The following IMMP2L variants were observed in gnomAD, a reference collection of about 807,000 sequenced individuals.
IMMP2L encodes mitochondrial inner membrane protease subunit 2.
In IMMP2L, 18 loss-of-function variants were observed where a neutral mutation model predicts 19.3. That is an observed-to-expected ratio of 0.93 (90% CI 0.64 to 1.38). IMMP2L has a LOEUF of 1.38. Ranked by LOEUF, IMMP2L falls within the 40% of genes most tolerant of loss-of-function variation. IMMP2L has a pLI of 0.00. For missense variants in IMMP2L, 233 were observed against 218.2 expected (o/e 1.07, Z -0.43); for synonymous variants, 76 against 73.0 (o/e 1.04, Z -0.21).
intron 3 of IMMP2L, among the ~76,000 whole-genome samples, chr7:110,996,917 T>C (rs1823100097): frequency 6.6e-6 from 1 of 152,088 alleles, no homozygotes; most frequent in Non-Finnish European, 1.5e-5. Context: ...TGCGTTGGTG[T>C]GCATGCTGAG....
At chr7:111,505,633 T>G (rs541128595) in intron 2 of IMMP2L, among the ~76,000 whole-genome samples, 1 of 152,142 alleles carries the variant, frequency 6.6e-6, no homozygotes, top group African/African-American at 2.4e-5. Flanking sequence ...TGGAATACTA[T>G]GCAGCCATAA....
intron 3 of IMMP2L, among the ~76,000 whole-genome samples, chr7:111,473,319 C>T (rs1841434394): frequency 6.6e-6 from 1 of 152,082 alleles, no homozygotes; most frequent in Admixed American, 6.6e-5. Flanking sequence ...GTGTATTCAT[C>T]TATTCCAAAG....
chr7:111,188,251 T>G (rs116854131), intron 3 of IMMP2L, among the ~76,000 whole-genome samples: 2,979 of 152,244 alleles, frequency 0.02, 39 homozygotes, highest in Middle Eastern at 0.041. Flanking sequence ...GCTCCTGTCT[T>G]AGTACAGGCT....
intron 5 of IMMP2L, among the ~76,000 whole-genome samples, chr7:110,684,963 T>A (rs760964484): frequency 6.6e-6 from 1 of 152,106 alleles, no homozygotes; most frequent in Non-Finnish European, 1.5e-5. Flanking sequence ...TTCCTTCAAG[T>A]GATTTTTAAT....
At chr7:111,056,383 C>G (rs929297178) in intron 3 of IMMP2L, among the ~76,000 whole-genome samples, 2 of 152,168 alleles carry the variant, frequency 1.3e-5, no homozygotes, top group Admixed American at 6.5e-5. Context: ...AGAAAGGAAG[C>G]CCTTATATTT....
At chr7:110,840,638 T>G (rs1193862287) in intron 5 of IMMP2L, among the ~76,000 whole-genome samples, 2 of 152,158 alleles carry the variant, frequency 1.3e-5, no homozygotes, top group Admixed American at 6.6e-5. Flanking sequence ...TATGATAGTA[T>G]GAAAGTGTAT....
At chr7:110,741,247 T>C (rs1259604217) in intron 5 of IMMP2L, among the ~76,000 whole-genome samples, 1 of 152,200 alleles carries the variant, frequency 6.6e-6, no homozygotes, top group Non-Finnish European at 1.5e-5. Flanking sequence ...AAACATTGTA[T>C]GTTCTCACTC....
intron 3 of IMMP2L, among the ~76,000 whole-genome samples, chr7:111,207,540 T>TG (rs1206612392): frequency 3.5e-5 from 5 of 141,262 alleles, no homozygotes; most frequent in Admixed American, 2.8e-4. Flanking sequence ...TTTGGTTTTT[T>TG]TTTTTTTTTT....
intron 5 of IMMP2L, among the ~76,000 whole-genome samples, chr7:110,799,930 G>A (rs1419057236): frequency 6.6e-6 from 1 of 152,082 alleles, no homozygotes; most frequent in Non-Finnish European, 1.5e-5. Context: ...CCATGACAAT[G>A]AGGGTGAATT....
intron 2 of IMMP2L, among the ~76,000 whole-genome samples, chr7:111,502,624 C>G (rs1297183090): frequency 1.3e-5 from 2 of 152,048 alleles, no homozygotes; most frequent in Non-Finnish European, 2.9e-5. Flanking sequence ...AACTATCTCT[C>G]AGACCACAGT....
intron 3 of IMMP2L, among the ~76,000 whole-genome samples, chr7:111,137,167 G>A (rs1195978265): frequency 2.0e-5 from 3 of 152,060 alleles, no homozygotes; most frequent in Admixed American, 6.6e-5. Flanking sequence ...ATAAGGTTTG[G>A]TGGAAATGTG....
intron 3 of IMMP2L, among the ~76,000 whole-genome samples, chr7:111,425,417 G>GA (rs754753182): frequency 4.0e-5 from 6 of 148,746 alleles, no homozygotes; most frequent in Admixed American, 1.3e-4. Context: ...TACCTCAAAA[G>GA]AAAAAAAAAC....
intron 3 of IMMP2L, among the ~76,000 whole-genome samples, chr7:111,241,195 A>G (rs1410889282): frequency 6.6e-6 from 1 of 152,028 alleles, no homozygotes; most frequent in Non-Finnish European, 1.5e-5. Context: ...ATAAGATTAC[A>G]TATATTTAAA....
intron 3 of IMMP2L, among the ~76,000 whole-genome samples, chr7:111,388,104 C>A (rs1246182958): frequency 6.6e-6 from 1 of 151,726 alleles, no homozygotes; most frequent in Non-Finnish European, 1.5e-5. Context: ...CCACACAGCC[C>A]TTTATATCTA....
chr7:111,127,051 A>C (rs1801384413), intron 3 of IMMP2L, among the ~76,000 whole-genome samples: 1 of 152,176 alleles, frequency 6.6e-6, no homozygotes, highest in African/African-American at 2.4e-5. Context: ...GAATTTCTTA[A>C]AACAAGAGGG....
At chr7:111,423,632 G>T (rs1835797068) in intron 3 of IMMP2L, among the ~76,000 whole-genome samples, 1 of 151,494 alleles carries the variant, frequency 6.6e-6, no homozygotes. Context: ...CTTGCTAGAG[G>T]TGTATCTTTG....
intron 5 of IMMP2L, among the ~76,000 whole-genome samples, chr7:110,718,898 T>A (rs1048860905): frequency 6.6e-6 from 1 of 152,156 alleles, no homozygotes; most frequent in Non-Finnish European, 1.5e-5. Flanking sequence ...AATATTTGTC[T>A]GGCACACTGG....
At chr7:110,733,615 T>C (rs539526263) in intron 5 of IMMP2L, among the ~76,000 whole-genome samples, 24 of 152,202 alleles carry the variant, frequency 1.6e-4, no homozygotes, top group Non-Finnish European at 3.2e-4. Context: ...AATGTGAATG[T>C]GTGCTGTGGT....
intron 3 of IMMP2L, among the ~76,000 whole-genome samples, chr7:111,382,840 T>C (rs974242454): frequency 2.6e-5 from 4 of 152,098 alleles, no homozygotes; most frequent in African/African-American, 9.7e-5. Context: ...CTAGGTTCTG[T>C]ATTAAAATAT....
Sources: allele counts gnomAD v4.1 joint callset (sites outside exome capture counted in the v4.1 genomes callset), GRCh38; gene constraint gnomAD v4.1.1; transcripts MANE v1.5; gene names NCBI Gene and HGNC (gene_info 2026-07-23, HGNC 2026-07-21).